MAGI2: variants seen among roughly 807,000 people sequenced by gnomAD.
MAGI2 encodes membrane-associated guanylate kinase, WW and PDZ domain-containing protein 2.
A neutral mutation model predicts 133.3 loss-of-function variants in MAGI2; 35 were observed. That is an observed-to-expected ratio of 0.26 (90% confidence interval 0.20 to 0.35). The LOEUF is 0.35. Ranked by LOEUF, MAGI2 falls within the 10% of genes least tolerant of loss-of-function variation. MAGI2 has a pLI of 1.00. For missense variants in MAGI2, 1,636 were observed against 1,863.4 expected, an observed-to-expected ratio of 0.88 and a Z score of 2.25; for synonymous variants, 729 against 710.6, an observed-to-expected ratio of 1.03 and a Z score of -0.41.
intron 2 of MAGI2, among the ~76,000 whole-genome samples, chr7:78,746,091 C>A (rs1407156152): frequency 6.6e-6 from 1 of 152,190 alleles, no homozygotes; most frequent in African/African-American, 2.4e-5. Flanking sequence ...TCTGTCGAAA[C>A]AATTCTGAAG....
At chr7:78,417,374 C>T (rs1045108471) in intron 6 of MAGI2, among the ~76,000 whole-genome samples, 1 of 151,858 alleles carries the variant, frequency 6.6e-6, no homozygotes, top group Admixed American at 6.6e-5. Flanking sequence ...TGTGGGAGGC[C>T]GGGGGGAAGG....
chr7:78,298,060 T>C (rs894441781), intron 9 of MAGI2, among the ~76,000 whole-genome samples: 1 of 152,128 alleles, frequency 6.6e-6, no homozygotes, highest in African/African-American at 2.4e-5. Context: ...GCATATACTT[T>C]CGATATGATG....
chr7:78,532,913 T>G (rs771027276), intron 3 of MAGI2, among the ~76,000 whole-genome samples: 1 of 152,146 alleles, frequency 6.6e-6, no homozygotes, highest in Non-Finnish European at 1.5e-5. Context: ...TCTGAACTCA[T>G]TTTATATTTA....
Position 78,530,249 on chromosome 7 carries a change from CTT to C in MAGI2, c.539-8606_539-8605del, listed in dbSNP as rs899600230. Among the ~76,000 whole-genome samples the C allele has an allele frequency of 2.3e-4, 35 of 151,466 alleles. 1 individual carries two copies. The highest frequency in any genetic ancestry group is 8.0e-4 in the African/African-American group (33 of 41,010). On this transcript the variant is annotated intron_variant, in intron 3 of 21. Transcript: ENST00000354212. ...GTGACAATGTGTCAATGATATTTCT[CTT>C]GTTTGATTGCTTTGGTCCATTGAGC...
intron 2 of MAGI2, among the ~76,000 whole-genome samples, chr7:78,749,985 C>G (rs1267833733): frequency 6.6e-6 from 1 of 152,118 alleles, no homozygotes; most frequent in Non-Finnish European, 1.5e-5. Flanking sequence ...CTGCACCCAT[C>G]AACCTGTCAT....
intron 1 of MAGI2, among the ~76,000 whole-genome samples, chr7:79,152,620 C>T (rs541945539): frequency 6.2e-4 from 95 of 152,194 alleles, no homozygotes; most frequent in Non-Finnish European, 1.2e-3. Context: ...TCCAGGGAGG[C>T]GGGAAGTGCT....
chr7:78,444,767 G>A (rs560571128), intron 6 of MAGI2, among the ~76,000 whole-genome samples: 2 of 97,522 alleles, frequency 2.1e-5, no homozygotes, highest in African/African-American at 3.4e-5. Flanking sequence ...ATGTGTTTGT[G>A]TATGTGTATA....
intron 2 of MAGI2, among the ~76,000 whole-genome samples, chr7:78,934,233 T>C (rs372559855): frequency 5.3e-5 from 8 of 152,030 alleles, no homozygotes; most frequent in East Asian, 1.9e-4. Flanking sequence ...TCCTGAGTAG[T>C]TGGGATTACA....
intron 6 of MAGI2, among the ~76,000 whole-genome samples, chr7:78,377,303 T>G (rs1232479723): frequency 6.6e-6 from 1 of 151,634 alleles, no homozygotes; most frequent in Non-Finnish European, 1.5e-5. Flanking sequence ...AGTGCCAGAG[T>G]GGAGACTGTG....
chr7:79,214,393 CTCTCTCTCTCTCTCTATATA>C (rs1330164128), intron 1 of MAGI2, among the ~76,000 whole-genome samples: 104 of 91,726 alleles, frequency 1.1e-3, no homozygotes, highest in African/African-American at 3.3e-3. Context: ...CTCTCTCTCT[CTCTCTCTCTCTCTCTATATA>C]TATATATATA....
At chr7:79,173,558 C>T (rs770370202) in intron 1 of MAGI2, among the ~76,000 whole-genome samples, 25 of 152,038 alleles carry the variant, frequency 1.6e-4, no homozygotes, top group Non-Finnish European at 3.5e-4. Flanking sequence ...TCTTGAACTC[C>T]TGTCCTTAAG....
chr7:79,214,585 CAGAG>C (rs941802380), intron 1 of MAGI2, among the ~76,000 whole-genome samples: 7 of 139,748 alleles, frequency 5.0e-5, no homozygotes, highest in African/African-American at 7.9e-5. Flanking sequence ...CGGATAGAGA[CAGAG>C]AGAGAGTGCA....
intron 6 of MAGI2, among the ~76,000 whole-genome samples, chr7:78,456,221 G>C (rs1272493091): frequency 6.6e-6 from 1 of 152,050 alleles, no homozygotes; most frequent in Non-Finnish European, 1.5e-5. Flanking sequence ...TAAAGAGTGA[G>C]TTTTGTTGTT....
intron 10 of MAGI2, among the ~76,000 whole-genome samples, chr7:78,243,255 ACACACACACACACACTCTCT>A (rs1284932609): frequency 2.1e-3 from 89 of 42,318 alleles, no homozygotes; most frequent in Middle Eastern, 8.6e-3. Context: ...ACACACACAC[ACACACACACACACACTCTCT>A]CTCTCTCTCT....
intron 2 of MAGI2, among the ~76,000 whole-genome samples, chr7:78,776,072 A>G (rs1825963552): frequency 6.6e-6 from 1 of 152,210 alleles, no homozygotes; most frequent in African/African-American, 2.4e-5. Flanking sequence ...CAGTTTCCAC[A>G]CCTATCTTGT....
chr7:78,654,397 A>T (rs1431826746), intron 2 of MAGI2, among the ~76,000 whole-genome samples: 1 of 151,956 alleles, frequency 6.6e-6, no homozygotes, highest in Admixed American at 6.6e-5. Flanking sequence ...GCACCTCCCA[A>T]CCTGAGTCTT....
chr7:78,049,795 C>A (rs1811829986), intron 21 of MAGI2, among the ~76,000 whole-genome samples: 1 of 152,144 alleles, frequency 6.6e-6, no homozygotes, highest in Non-Finnish European at 1.5e-5. Context: ...ACCATCGATG[C>A]AATGATTCTT....
At chr7:79,075,811 G>A (rs1815413046) in intron 1 of MAGI2, among the ~76,000 whole-genome samples, 2 of 152,176 alleles carry the variant, frequency 1.3e-5, no homozygotes, top group South Asian at 4.2e-4. Flanking sequence ...ATAAAAAGGA[G>A]TTTCAGGGAA....
At chr7:79,404,017 C>T (rs1269259263) in intron 1 of MAGI2, among the ~76,000 whole-genome samples, 1 of 152,146 alleles carries the variant, frequency 6.6e-6, no homozygotes, top group Non-Finnish European at 1.5e-5. Context: ...CTCTACTTAA[C>T]TCTCCTGTCT....
Sources: allele counts gnomAD v4.1 joint callset (sites outside exome capture counted in the v4.1 genomes callset), GRCh38; gene constraint gnomAD v4.1.1; transcripts MANE v1.5; gene names NCBI Gene and HGNC (gene_info 2026-07-23, HGNC 2026-07-21).